CCDC60: variants seen among roughly 807,000 people sequenced by gnomAD.
The protein encoded by CCDC60 is coiled-coil domain containing 60.
Under a neutral mutation model 63.5 loss-of-function variants are expected in CCDC60, and 54 were observed. The observed-to-expected ratio is 0.85, with a 90% confidence interval of 0.68 to 1.07. The LOEUF (loss-of-function observed/expected upper bound fraction) is 1.07, where lower values mean the gene tolerates loss of function less well. CCDC60 is among the 50% of genes least tolerant of loss of function. The pLI, the probability that CCDC60 is intolerant of heterozygous loss-of-function variation, is 0.00. For missense variants in CCDC60, 651 were observed against 684.3 expected (o/e 0.95, Z 0.54); for synonymous variants, 206 against 238.8 (o/e 0.86, Z 1.27).
At chr12:119,387,027 GTCTC>G (rs373728829) in intron 1 of CCDC60, among the ~76,000 whole-genome samples, 3 of 98,164 alleles carry the variant, frequency 3.1e-5, no homozygotes, top group South Asian at 4.1e-4. Flanking sequence ...CTCCCCCTCT[GTCTC>G]TCTCACACAC....
At chr12:119,338,848 A>C (rs1048245680) in intron 1 of CCDC60, among the ~76,000 whole-genome samples, 3 of 152,162 alleles carry the variant, frequency 2.0e-5, no homozygotes, top group Admixed American at 1.3e-4. Flanking sequence ...AGTCCCCTGC[A>C]TACTAGTATA....
intron 4 of CCDC60, among the ~76,000 whole-genome samples, chr12:119,482,748 G>A (rs564921262): frequency 3.2e-4 from 48 of 152,174 alleles, no homozygotes; most frequent in African/African-American, 9.9e-4. Context: ...CAGCAGGGTG[G>A]TTCTGCTGGT....
intron 1 of CCDC60, among the ~76,000 whole-genome samples, chr12:119,372,921 A>G (rs933545091): frequency 7.9e-5 from 12 of 152,178 alleles, no homozygotes; most frequent in Non-Finnish European, 1.6e-4. Flanking sequence ...TGTCGTGGAT[A>G]TTATTGCTTA....
At chr12:119,492,908 A>G (rs1184677134) in intron 5 of CCDC60, among the ~76,000 whole-genome samples, 1 of 152,242 alleles carries the variant, frequency 6.6e-6, no homozygotes. Context: ...GATTATCAGT[A>G]CCATTGAGAC....
intron 1 of CCDC60, among the ~76,000 whole-genome samples, chr12:119,408,678 T>C (rs904669040): frequency 5.9e-5 from 9 of 151,862 alleles, no homozygotes; most frequent in African/African-American, 2.2e-4. Context: ...TACAAAAAAT[T>C]AGCCAGGCGT....
chr12:119,478,413 G>A (rs2519539), intron 3 of CCDC60, among the ~76,000 whole-genome samples: 16,559 of 151,962 alleles, frequency 0.11, 1,299 homozygotes, highest in Non-Finnish European at 0.16. Context: ...TTGCTCTGCT[G>A]TAATGGTGAA....
At chr12:119,523,026 A>C in intron 10 of CCDC60, 25 bp downstream of exon 10, 1 of 1,607,194 alleles carries the variant, frequency 6.2e-7, no homozygotes, top group South Asian at 1.1e-5. Flanking sequence ...CAATGGAAGG[A>C]ACCACGCAAG....
intron 2 of CCDC60, among the ~76,000 whole-genome samples, chr12:119,468,974 G>C (rs1019416626): frequency 6.6e-6 from 1 of 151,524 alleles, no homozygotes; most frequent in African/African-American, 2.4e-5. Flanking sequence ...TTTAAGAAAA[G>C]CTCCTTTTTT....
chr12:119,384,998 G>A (rs143799760), intron 1 of CCDC60, among the ~76,000 whole-genome samples: 71 of 152,382 alleles, frequency 4.7e-4, no homozygotes, highest in Middle Eastern at 3.4e-3. Context: ...GCACGGGGCT[G>A]CATTCATTTG....
intron 7 of CCDC60, among the ~76,000 whole-genome samples, chr12:119,516,393 A>C (rs371131672): frequency 3.5e-4 from 54 of 152,364 alleles, no homozygotes; most frequent in African/African-American, 1.3e-3. Context: ...GGCATTAGCC[A>C]AACGTAACAC....
chr12:119,505,650 G>A (rs1444017945), intron 7 of CCDC60, among the ~76,000 whole-genome samples: 3 of 152,240 alleles, frequency 2.0e-5, no homozygotes, highest in African/African-American at 7.2e-5. Flanking sequence ...GAGGTCAGGA[G>A]TTTGAGACCA....
chr12:119,456,030 A>G lies in CCDC60; in HGVS notation c.171-15964A>G, dbSNP rs1432046535. Among the ~76,000 whole-genome samples the G allele has an allele frequency of 7.2e-6, 1 of 139,738 alleles. No homozygotes were observed. The allele number at this position is 139,738 out of a possible 152,430, so 91.7% of individuals were successfully genotyped here. A position where few individuals can be genotyped will look rare whatever the true frequency, so the allele number is the denominator to read the frequency against. Reference sequence around the variant, plus strand: ...AAGAAAGAAAGAAAGAAAGAAAGAAAGAAAGAAAGAAAGAAAGAAAGAAAG... The same window carrying G: ...AAGAAAGAAAGAAAGAAAGAAAGAAGGAAAGAAAGAAAGAAAGAAAGAAAG... On this transcript the variant is annotated intron_variant, in intron 2 of 13. Transcript: ENST00000327554. This position sits in a 1 kb window ranked among gnomAD's most constrained non-coding sequence, Gnocchi z 4.6.
At position 119,475,820 on chromosome 12, in the gene CCDC60, A is replaced by G. The variant is rs768618820; in HGVS notation, c.342-3274A>G. On this transcript the variant is annotated intron_variant, in intron 3 of 13. Transcript: ENST00000327554. The stretch of plus-strand genomic sequence containing the variant: ...TTAGCCTAGAGTCTACGTATAAGAC[A>G]TGCTCAGTAATTGTTCCTATTATGA... Among the ~76,000 whole-genome samples the G allele has an allele frequency of 7.2e-5, 11 of 152,234 alleles. 1 individual carries two copies. The highest frequency in any genetic ancestry group is 1.5e-4 in the Non-Finnish European group (10 of 68,034).
chr12:119,361,681 T>G (rs11064759), intron 1 of CCDC60, among the ~76,000 whole-genome samples: 22,528 of 152,160 alleles, frequency 0.15, 1,956 homozygotes, highest in South Asian at 0.35. Context: ...CCAGGTGCTT[T>G]GATCAAAAGA....
chr12:119,433,673 G>C, intron 2 of CCDC60: 1 of 686,132 alleles, frequency 1.5e-6, no homozygotes, highest in Non-Finnish European at 2.7e-6. Context: ...TCTTAACTTT[G>C]TTTCCCCTCC....
chr12:119,424,796 C>T (rs983083716), intron 1 of CCDC60, among the ~76,000 whole-genome samples: 1 of 152,010 alleles, frequency 6.6e-6, no homozygotes, highest in African/African-American at 2.4e-5. Flanking sequence ...CATAAACCTA[C>T]CTTTATAATT....
At chr12:119,368,058 A>G (rs552821901) in intron 1 of CCDC60, among the ~76,000 whole-genome samples, 1 of 144,068 alleles carries the variant, frequency 6.9e-6, no homozygotes, top group Admixed American at 7.1e-5. Flanking sequence ...TTTTCTGAAG[A>G]AAAAAAGAAG....
intron 1 of CCDC60, among the ~76,000 whole-genome samples, chr12:119,356,039 C>A (rs1260887032): frequency 1.3e-5 from 2 of 152,200 alleles, no homozygotes; most frequent in African/African-American, 4.8e-5. Flanking sequence ...TGGAAAAAAA[C>A]ATAATAAATA....
At chr12:119,522,854 C>T (rs1009593191) in intron 9 of CCDC60, 85 bp from the exon 10 acceptor site, 2 of 1,161,914 alleles carry the variant, frequency 1.7e-6, no homozygotes, top group African/African-American at 3.0e-5. Context: ...ATCCTGGAAG[C>T]TAGCAGGTGC....
Sources: gnomAD v4.1 joint callset for allele counts (sites outside exome capture counted in the v4.1 genomes callset) on GRCh38, gnomAD v4.1.1 for gene constraint, Gnocchi (gnomAD v3.1) non-coding constraint, MANE v1.5 for transcripts, NCBI Gene and HGNC (gene_info 2026-07-23, HGNC 2026-07-21) for gene names.